The following OPHN1 variants were observed in gnomAD, a reference collection of about 807,000 sequenced individuals.
OPHN1 encodes the protein oligophrenin 1.
In OPHN1, 11 loss-of-function variants were observed where a neutral mutation model predicts 60.7. The ratio of observed to expected loss-of-function variants is 0.18; its 90% CI spans 0.11 to 0.30. The LOEUF (loss-of-function observed/expected upper bound fraction) is 0.30. Among genes scored for constraint, OPHN1 ranks in the 10% least tolerant of loss-of-function variants. The probability of loss-of-function intolerance (pLI) is 1.00; values close to 1 mark genes in which losing one functional copy is unlikely to be tolerated. For synonymous variants in OPHN1, 226 were observed against 222.6 expected, an observed-to-expected ratio of 1.02 and a Z score of -0.14; for missense variants, 449 against 611.0, an observed-to-expected ratio of 0.73 and a Z score of 2.80.
At chrX:68,258,416 C>T (rs1172202726) in intron 5 of OPHN1, among the ~76,000 whole-genome samples, 1 of 66,047 alleles carries the variant, frequency 1.5e-5, no homozygotes, top group East Asian at 6.0e-4. Flanking sequence ...CTCCTCCAAC[C>T]CCCCACCCCA....
chrX:68,083,319 G>C (rs948501540), intron 19 of OPHN1, among the ~76,000 whole-genome samples: 3 of 107,864 alleles, frequency 2.8e-5, no homozygotes, highest in Non-Finnish European at 5.8e-5. Context: ...TGATCCACCC[G>C]CCTCGGCCTC....
chrX:68,330,688 A>C (rs1324209901), intron 2 of OPHN1, among the ~76,000 whole-genome samples: 1 of 109,430 alleles, frequency 9.1e-6, no homozygotes, highest in African/African-American at 3.3e-5. Flanking sequence ...CAACATGAAA[A>C]TATCTAAAAT....
chrX:68,129,145 G>T (rs1385781152), intron 15 of OPHN1, among the ~76,000 whole-genome samples: 5 of 111,966 alleles, frequency 4.5e-5, no homozygotes, highest in Non-Finnish European at 9.4e-5. Context: ...GTTAAGGAAT[G>T]ACTTCTAAAC....
chrX:68,276,132 A>T (rs1188144277), intron 4 of OPHN1, among the ~76,000 whole-genome samples: 2 of 111,828 alleles, frequency 1.8e-5, no homozygotes, highest in African/African-American at 6.5e-5. Flanking sequence ...TGTTTGCTAC[A>T]AGCCTAGACT....
chrX:68,090,242 CTGTGTGTG>C (rs10549357), intron 19 of OPHN1, among the ~76,000 whole-genome samples: 1 of 98,162 alleles, frequency 1.0e-5, no homozygotes, highest in African/African-American at 3.7e-5. Flanking sequence ...GTGTGTGTGT[CTGTGTGTG>C]TGTGTGTGTG....
intron 18 of OPHN1, 87 bp from the exon 19 acceptor site, chrX:68,097,116 G>A: frequency 1.1e-6 from 1 of 897,456 alleles, no homozygotes; most frequent in Non-Finnish European, 1.5e-6. Flanking sequence ...TAGAGGGTAA[G>A]AGAAACTAAA....
chrX:68,180,865 C>G (rs942921866), intron 15 of OPHN1, among the ~76,000 whole-genome samples: 1 of 112,154 alleles, frequency 8.9e-6, no homozygotes, highest in South Asian at 3.7e-4. Flanking sequence ...CAGTCCTCAT[C>G]TGAGTAAACA....
At chrX:68,122,096 G>T (rs2077152779) in intron 15 of OPHN1, among the ~76,000 whole-genome samples, 1 of 111,026 alleles carries the variant, frequency 9.0e-6, no homozygotes, top group Admixed American at 9.6e-5. Context: ...TCCCAGCTGT[G>T]GTAGCTGTGG....
At chrX:68,259,211 G>A (rs2077881305) in intron 5 of OPHN1, among the ~76,000 whole-genome samples, 1 of 111,551 alleles carries the variant, frequency 9.0e-6, no homozygotes, top group Non-Finnish European at 1.9e-5. Flanking sequence ...AACACTTTGG[G>A]AGGCCAAGGC....
intron 2 of OPHN1, among the ~76,000 whole-genome samples, chrX:68,406,748 G>GA (rs2078745500): frequency 1.8e-5 from 2 of 112,391 alleles, no homozygotes; most frequent in African/African-American, 6.5e-5. Flanking sequence ...AAATGATCCA[G>GA]AAAAAATAAT....
intron 16 of OPHN1, among the ~76,000 whole-genome samples, chrX:68,115,932 A>C (rs1160137372): frequency 4.5e-5 from 5 of 112,116 alleles, no homozygotes; most frequent in Non-Finnish European, 9.4e-5. Context: ...GACATCAATC[A>C]AATACATTTA....
intron 20 of OPHN1, among the ~76,000 whole-genome samples, chrX:68,066,173 A>G: frequency 8.9e-6 from 1 of 112,559 alleles, no homozygotes; most frequent in Middle Eastern, 4.6e-3. Flanking sequence ...GAGTAACTCA[A>G]GCACATCTAC....
intron 4 of OPHN1, among the ~76,000 whole-genome samples, chrX:68,281,341 A>C (rs2078018415): frequency 8.9e-6 from 1 of 112,350 alleles, no homozygotes; most frequent in Non-Finnish European, 1.9e-5. Flanking sequence ...ATTTTCAAAA[A>C]ACAGTGTTGG....
At chrX:68,311,228 A>C (rs1202730755) in intron 2 of OPHN1, among the ~76,000 whole-genome samples, 1 of 111,873 alleles carries the variant, frequency 8.9e-6, no homozygotes, top group Non-Finnish European at 1.9e-5. Flanking sequence ...GTAAGCTATG[A>C]TAGTGCCACA....
rs1219953618 is a variant in OPHN1, at chrX:68,219,405, G to T, written c.487-5433C>A. Among the ~76,000 whole-genome samples the T allele has an allele frequency of 4.8e-4, 49 of 102,827 alleles. No homozygotes were observed. The East Asian group carries it at 0.014, about 30-fold the overall frequency. The allele number at this position is 102,827 out of a possible 115,157, so 89.3% of individuals were successfully genotyped here. On this transcript the variant is annotated intron_variant, in intron 6 of 24. Coordinates refer to ENST00000355520, the MANE Select transcript of OPHN1 (RefSeq NM_002547.3). Reference sequence around the variant, plus strand: ...AAGTCAACAAGGATACTCAGGAATTGAACTCAGCTCTGTACCAAGCGGACC... The same window carrying T: ...AAGTCAACAAGGATACTCAGGAATTTAACTCAGCTCTGTACCAAGCGGACC...
chrX:68,237,201 T>G (rs1048195631), intron 5 of OPHN1, among the ~76,000 whole-genome samples: 3 of 112,490 alleles, frequency 2.7e-5, no homozygotes, highest in African/African-American at 9.7e-5. Flanking sequence ...ACCAGGCTGG[T>G]CTCGAACTCC....
At chrX:68,307,342 T>C (rs1395615178) in intron 2 of OPHN1, among the ~76,000 whole-genome samples, 2 of 108,256 alleles carry the variant, frequency 1.8e-5, no homozygotes, top group South Asian at 8.3e-4. Flanking sequence ...TAGTCCCAGC[T>C]ACTCAGGAGG....
At chrX:68,426,718 T>C (rs868663498) in intron 2 of OPHN1, among the ~76,000 whole-genome samples, 1 of 23,333 alleles carries the variant, frequency 4.3e-5, no homozygotes, top group East Asian at 2.0e-3. Context: ...AAAAAAAAAA[T>C]TAGTTAGCTA....
chrX:68,268,946 AACAG>A (rs1292692383), intron 5 of OPHN1, among the ~76,000 whole-genome samples: 5 of 111,150 alleles, frequency 4.5e-5, no homozygotes, highest in Non-Finnish European at 5.7e-5. Flanking sequence ...ATGCACCAAT[AACAG>A]ACAGAGAGCC....
Sources: gnomAD v4.1 joint callset for allele counts (sites outside exome capture counted in the v4.1 genomes callset) on GRCh38, gnomAD v4.1.1 for gene constraint, MANE v1.5 for transcripts, NCBI Gene and HGNC (gene_info 2026-07-23, HGNC 2026-07-21) for gene names.